The following SUGCT variants were observed in gnomAD, a reference collection of about 807,000 sequenced individuals.
SUGCT encodes the protein succinyl-CoA:glutarate CoA-transferase.
Under a neutral mutation model 55.0 loss-of-function variants are expected in SUGCT, and 41 were observed. The ratio of observed to expected loss-of-function variants is 0.74; its 90% CI spans 0.58 to 0.97. The LOEUF is 0.97. SUGCT is among the 50% of genes least tolerant of loss of function. The pLI is 0.00. For synonymous variants in SUGCT, 187 were observed against 200.4 expected, an observed-to-expected ratio of 0.93 and a Z score of 0.56; for missense variants, 568 against 547.8, an observed-to-expected ratio of 1.04 and a Z score of -0.37.
intron 12 of SUGCT, among the ~76,000 whole-genome samples, chr7:40,717,552 C>T (rs1220885513): frequency 1.3e-5 from 2 of 152,206 alleles, no homozygotes; most frequent in African/African-American, 4.8e-5. Flanking sequence ...CTGATGTAAA[C>T]ACTTGTGGGG....
At position 40,135,115 on chromosome 7, in the gene SUGCT, A is replaced by C. The variant is rs909623928; in HGVS notation, c.95A>C (p.Gln32Pro). Residue 32 changes from glutamine to proline, a missense_variant, in exon 1 of 14, where the codon CAG becomes CCG. Gln to Pro is a moderately conservative substitution (Grantham distance 76). Coordinates refer to ENST00000335693, the MANE Select transcript of SUGCT (RefSeq NM_001193313.2). ...AGGGGGCTGTGGACTGGCCGCCCGC[A>C]GTCAGGTACCCTCCGAGATTCGGTC... ...GGRGLWTGRP[Q>P]SDMNNIKPLE... 3 of 1,553,002 alleles carry C rather than the reference A, an allele frequency of 1.9e-6. No homozygotes were observed. In the Admixed American group the frequency reaches 5.8e-5, roughly 30 times the overall value.
the SUGCT span, among the ~76,000 whole-genome samples, chr7:40,925,847 A>G: frequency 6.6e-6 from 1 of 152,090 alleles, no homozygotes; most frequent in Admixed American, 6.6e-5. Context: ...CAATTCCAAC[A>G]ATTTGGGAGG....
intron 12 of SUGCT, among the ~76,000 whole-genome samples, chr7:40,533,401 T>G (rs1233960041): frequency 6.6e-6 from 1 of 152,082 alleles, no homozygotes; most frequent in African/African-American, 2.4e-5. Flanking sequence ...CAATTAAGTG[T>G]TAATATTTAT....
intron 12 of SUGCT, among the ~76,000 whole-genome samples, chr7:40,600,393 G>A (rs185747680): frequency 6.6e-6 from 1 of 152,280 alleles, no homozygotes; most frequent in African/African-American, 2.4e-5. Flanking sequence ...TAGATGAATG[G>A]GTTACCAGGG....
chr7:40,772,359 TA>T (rs954364986), intron 13 of SUGCT, among the ~76,000 whole-genome samples: 1 of 151,002 alleles, frequency 6.6e-6, no homozygotes, highest in African/African-American at 2.4e-5. Flanking sequence ...TGCTTCTGGT[TA>T]AAAAAAAATA....
At chr7:40,406,011 A>G (rs1055702212) in intron 9 of SUGCT, among the ~76,000 whole-genome samples, 6 of 152,108 alleles carry the variant, frequency 3.9e-5, no homozygotes, top group Non-Finnish European at 8.8e-5. Context: ...TAAATGGGAG[A>G]CAGGAGTTTT....
At chr7:40,669,889 G>T (rs1232875780) in intron 12 of SUGCT, among the ~76,000 whole-genome samples, 1 of 151,896 alleles carries the variant, frequency 6.6e-6, no homozygotes, top group African/African-American at 2.4e-5. Context: ...GAAAAAATTT[G>T]ATGAAAAGCT....
chr7:40,808,960 G>A (rs4720376), intron 13 of SUGCT, among the ~76,000 whole-genome samples: 2,265 of 152,232 alleles, frequency 0.015, 142 homozygotes, highest in East Asian at 0.097. Context: ...TGTACCTAAC[G>A]AACTGTGGAC....
chr7:40,907,511 A>G, the SUGCT span, among the ~76,000 whole-genome samples: 3 of 152,338 alleles, frequency 2.0e-5, no homozygotes, highest in Non-Finnish European at 2.9e-5. Context: ...TGTAGTTAAC[A>G]TTTAACTGTT....
Position 40,440,002 on chromosome 7 carries a change from G to A in SUGCT, c.817-9285G>A, listed in dbSNP as rs542502645. ...AGTACTTCTGCCTGGATTTCAAATG[G>A]GAGAGGCCTTCAGACTCCTCACTTA... On this transcript the variant is annotated intron_variant, in intron 9 of 13. Coordinates refer to ENST00000335693, the MANE Select transcript of SUGCT (RefSeq NM_001193313.2). Among the ~76,000 whole-genome samples, 7 of 152,096 alleles carry A rather than the reference G, an allele frequency of 4.6e-5. No individual in the cohort carries two copies. The South Asian group carries it at 1.5e-3, about 32-fold the overall frequency.
At chr7:40,586,383 A>T (rs952673179) in intron 12 of SUGCT, among the ~76,000 whole-genome samples, 7 of 152,176 alleles carry the variant, frequency 4.6e-5, no homozygotes, top group Non-Finnish European at 1.0e-4. Context: ...ATTAATTTAA[A>T]TGTATAAAGC....
At chr7:40,505,459 A>G (rs1017271448) in intron 12 of SUGCT, among the ~76,000 whole-genome samples, 4 of 152,056 alleles carry the variant, frequency 2.6e-5, no homozygotes, top group Admixed American at 1.3e-4. Flanking sequence ...CTTCTTTTGT[A>G]CTAAGCTGGT....
At chr7:40,303,515 G>T (rs577101676) in intron 8 of SUGCT, among the ~76,000 whole-genome samples, 22 of 151,002 alleles carry the variant, frequency 1.5e-4, no homozygotes, top group African/African-American at 5.1e-4. Flanking sequence ...ACGGAGTCTT[G>T]CTCTGTTGCC....
intron 1 of SUGCT, among the ~76,000 whole-genome samples, chr7:40,141,501 G>C (rs1299684216): frequency 6.6e-6 from 1 of 152,178 alleles, no homozygotes. Flanking sequence ...AGGCGTGGTG[G>C]TGGGCACCTG....
intron 12 of SUGCT, chr7:40,538,172 A>G (rs2151610769): frequency 6.6e-6 from 1 of 152,336 alleles, no homozygotes; most frequent in African/African-American, 2.4e-5. Flanking sequence ...AATAACTATG[A>G]TAATTATTTT....
chr7:40,881,335 A>G, the SUGCT span, among the ~76,000 whole-genome samples: 1 of 152,174 alleles, frequency 6.6e-6, no homozygotes, highest in Non-Finnish European at 1.5e-5. Context: ...AGTGGGAAGA[A>G]TTCCTCTTCT....
At chr7:40,256,309 A>G (rs1241249746) in intron 7 of SUGCT, among the ~76,000 whole-genome samples, 2 of 152,186 alleles carry the variant, frequency 1.3e-5, no homozygotes, top group East Asian at 3.8e-4. Flanking sequence ...CCTTATGGCT[A>G]AGAAGATTGG....
the SUGCT span, among the ~76,000 whole-genome samples, chr7:40,972,007 G>C: frequency 6.6e-6 from 1 of 151,992 alleles, no homozygotes; most frequent in Non-Finnish European, 1.5e-5. Context: ...ACCACCTAGA[G>C]AAAGCTCTGG....
chr7:40,640,484 T>G lies in SUGCT; in HGVS notation c.1090-108950T>G, dbSNP rs537813959. ...TTACTTGGCTGCTGTATTGGTAGAC[T>G]TGAAGACTCAGCCACAGCTGTCCTG... On this transcript the variant is annotated intron_variant, in intron 12 of 13. Transcript: ENST00000335693. Among the ~76,000 whole-genome samples the G allele has an allele frequency of 5.4e-4, 83 of 152,340 alleles. 1 individual carries two copies. Among genetic ancestry groups the G allele is most frequent in the Admixed American group, 1.4e-3 (21 of 15,302 alleles).
Sources: allele counts gnomAD v4.1 joint callset (sites outside exome capture counted in the v4.1 genomes callset), GRCh38; gene constraint gnomAD v4.1.1; transcripts MANE v1.5; gene names NCBI Gene and HGNC (gene_info 2026-07-23, HGNC 2026-07-21).